The following RIT2 variants were observed in gnomAD, a reference collection of about 807,000 sequenced individuals.
RIT2 encodes the protein Ras like without CAAX 2.
Under a neutral mutation model 23.7 loss-of-function variants are expected in RIT2, and 24 were observed. That is an observed-to-expected ratio of 1.01 (90% confidence interval 0.73 to 1.43). The LOEUF (loss-of-function observed/expected upper bound fraction) is 1.43, where lower values mean the gene tolerates loss of function less well. Among genes scored for constraint, RIT2 ranks in the 40% most tolerant of loss-of-function variants. The pLI is 0.00. For missense variants in RIT2, 236 were observed against 266.9 expected, an observed-to-expected ratio of 0.88 and a Z score of 0.81; for synonymous variants, 107 against 91.1, an observed-to-expected ratio of 1.17 and a Z score of -0.99.
chr18:42,794,329 A>T (rs924458515), intron 4 of RIT2, among the ~76,000 whole-genome samples: 1 of 152,184 alleles, frequency 6.6e-6, no homozygotes, highest in African/African-American at 2.4e-5. Context: ...TAATCTTTTC[A>T]ATCATTGGAA....
intron 4 of RIT2, among the ~76,000 whole-genome samples, chr18:42,853,941 T>A (rs1206791411): frequency 6.6e-6 from 1 of 152,236 alleles, no homozygotes; most frequent in Non-Finnish European, 1.5e-5. Context: ...ACTTGTAAGT[T>A]CTGTGTAAAC....
chr18:42,856,018 A>G (rs1475062255), intron 4 of RIT2, among the ~76,000 whole-genome samples: 1 of 152,152 alleles, frequency 6.6e-6, no homozygotes, highest in Non-Finnish European at 1.5e-5. Flanking sequence ...AAAAGTTTTT[A>G]TTTGACTTTC....
At chr18:43,009,102 A>T (rs564051684) in intron 2 of RIT2, among the ~76,000 whole-genome samples, 20 of 151,864 alleles carry the variant, frequency 1.3e-4, no homozygotes, top group African/African-American at 4.8e-4. Flanking sequence ...GGTATTTATT[A>T]AAAATAATTA....
At chr18:42,750,769 A>C (rs1913027794) in intron 4 of RIT2, among the ~76,000 whole-genome samples, 1 of 151,896 alleles carries the variant, frequency 6.6e-6, no homozygotes, top group Non-Finnish European at 1.5e-5. Context: ...CGAAGGTTCG[A>C]TATCATAAAG....
At chr18:42,950,912 A>AT (rs1909836683) in intron 3 of RIT2, among the ~76,000 whole-genome samples, 2 of 151,834 alleles carry the variant, frequency 1.3e-5, no homozygotes, top group African/African-American at 2.4e-5. Flanking sequence ...AAAAAAAAAA[A>AT]AATAACAGAT....
chr18:42,918,135 T>C (rs1311600456), intron 4 of RIT2, among the ~76,000 whole-genome samples: 2 of 152,152 alleles, frequency 1.3e-5, no homozygotes, highest in African/African-American at 4.8e-5. Flanking sequence ...TTATTGCACA[T>C]AGAGATATTA....
chr18:42,756,523 T>A (rs1913167482), intron 4 of RIT2, among the ~76,000 whole-genome samples: 1 of 152,184 alleles, frequency 6.6e-6, no homozygotes. Flanking sequence ...CTAAATATTT[T>A]GCTAACAGCA....
At chr18:42,954,255 T>C (rs1909919061) in intron 3 of RIT2, among the ~76,000 whole-genome samples, 1 of 150,824 alleles carries the variant, frequency 6.6e-6, no homozygotes, top group Non-Finnish European at 1.5e-5. Flanking sequence ...GCAGCACCTG[T>C]AATCCCGGCT....
chr18:42,806,373 G>C (rs1905685165), intron 4 of RIT2, among the ~76,000 whole-genome samples: 1 of 151,912 alleles, frequency 6.6e-6, no homozygotes, highest in Non-Finnish European at 1.5e-5. Context: ...GGAGGATGAG[G>C]CAGGAGAATC....
At chr18:42,761,756 C>T (rs1330327415) in intron 4 of RIT2, among the ~76,000 whole-genome samples, 4 of 152,218 alleles carry the variant, frequency 2.6e-5, no homozygotes, top group Non-Finnish European at 4.4e-5. Context: ...TGGCTCAGTA[C>T]AACCTTTGCC....
intron 4 of RIT2, among the ~76,000 whole-genome samples, chr18:42,790,838 T>G (rs1161616828): frequency 6.6e-6 from 1 of 152,174 alleles, no homozygotes; most frequent in East Asian, 1.9e-4. Flanking sequence ...GATAAGCAAA[T>G]TTATGCTCAA....
intron 1 of RIT2, among the ~76,000 whole-genome samples, chr18:43,098,428 C>T (rs1294348199): frequency 6.6e-6 from 1 of 151,842 alleles, no homozygotes; most frequent in Non-Finnish European, 1.5e-5. Flanking sequence ...TTGCATGAAT[C>T]TTTTCACCCT....
At chr18:42,933,530 T>TCTCATGATAATGAGTGAGTG (rs969818649) in intron 3 of RIT2, among the ~76,000 whole-genome samples, 2 of 152,176 alleles carry the variant, frequency 1.3e-5, no homozygotes, top group Non-Finnish European at 2.9e-5. Context: ...TCCATGCTGT[T>TCTCATGATAATGAGTGAGTG]CTCATGATAA....
Position 43,047,098 on chromosome 18 carries a change from T to C in RIT2, c.104-13231A>G, listed in dbSNP as rs139861456. Among the ~76,000 whole-genome samples, 233 of 152,260 alleles carry C rather than the reference T, an allele frequency of 1.5e-3. 1 individual carries two copies. The highest frequency in any genetic ancestry group is 5.4e-3 in the African/African-American group (223 of 41,570). On this transcript the variant is annotated intron_variant, in intron 1 of 4. Transcript: ENST00000326695. Reference sequence around the variant, plus strand: ...TCAAAGATGACACAATTTGAAAACATACTTGGACTAGTTGTCTGTATGACT... The same window carrying C: ...TCAAAGATGACACAATTTGAAAACACACTTGGACTAGTTGTCTGTATGACT...
At chr18:43,054,819 T>G (rs1912461500) in intron 1 of RIT2, among the ~76,000 whole-genome samples, 1 of 152,092 alleles carries the variant, frequency 6.6e-6, no homozygotes. Flanking sequence ...TCTCACAGAT[T>G]CTGTTACTCC....
chr18:43,078,944 G>T (rs1269698882), intron 1 of RIT2, among the ~76,000 whole-genome samples: 1 of 152,064 alleles, frequency 6.6e-6, no homozygotes, highest in Admixed American at 6.6e-5. Context: ...TGGCTGGACT[G>T]CAGGATCCAC....
intron 4 of RIT2, among the ~76,000 whole-genome samples, chr18:42,867,649 C>T (rs1907509503): frequency 6.6e-6 from 1 of 150,778 alleles, no homozygotes; most frequent in Non-Finnish European, 1.5e-5. Flanking sequence ...AAAAAAATAG[C>T]CGAGTGTGGT....
At chr18:43,040,151 A>G (rs1267426825) in intron 1 of RIT2, among the ~76,000 whole-genome samples, 1 of 152,202 alleles carries the variant, frequency 6.6e-6, no homozygotes, top group Non-Finnish European at 1.5e-5. Flanking sequence ...TGTGTGCTAG[A>G]TATTGGCAAT....
chr18:42,790,163 T>C (rs1712458083), intron 4 of RIT2, among the ~76,000 whole-genome samples: 1 of 152,210 alleles, frequency 6.6e-6, no homozygotes, highest in Admixed American at 6.5e-5. Context: ...TACAAACTAA[T>C]TTACAAATCC....
Sources: allele counts gnomAD v4.1 joint callset (sites outside exome capture counted in the v4.1 genomes callset), GRCh38; gene constraint gnomAD v4.1.1; transcripts MANE v1.5; gene names NCBI Gene and HGNC (gene_info 2026-07-23, HGNC 2026-07-21).